MARF1: variants seen among roughly 807,000 people sequenced by gnomAD.
MARF1 encodes the protein limkain-b1.
Under a neutral mutation model 168.2 loss-of-function variants are expected in MARF1, and 24 were observed. The observed-to-expected ratio is 0.14, with a 90% CI of 0.10 to 0.20. The LOEUF is 0.20. MARF1 is among the 10% of genes least tolerant of loss of function. The pLI is 1.00. For synonymous variants in MARF1, 868 were observed against 822.4 expected (o/e 1.06, Z -0.95); for missense variants, 1,744 against 2,143.6 (o/e 0.81, Z 3.68).
chr16:15,633,812 C>G lies in MARF1; in HGVS notation c.1038G>C (p.Val346=). 1 of 1,613,740 alleles carries G rather than the reference C, an allele frequency of 6.2e-7. No individual in the cohort carries two copies. Among genetic ancestry groups the G allele is most frequent in the Non-Finnish European group, 8.5e-7 (1 of 1,179,790 alleles). ...CTCCAATGGGGGGTAAGTTTTCTAG[C>G]ACCTGTCCAGCTACTGCAACTTCTG... is the stretch of plus-strand genomic sequence containing the variant. The part of the protein sequence containing the change: ...GSPEVAVAGQ[V]LENLPPIGVF... The change falls in exon 5 of 27, where the codon GTG becomes GTC. Residue 346 remains valine (V), a synonymous_variant. Transcript: ENST00000396368.
intron 12 of MARF1, among the ~76,000 whole-genome samples, chr16:15,620,799 G>A (rs985924869): frequency 6.6e-5 from 10 of 152,248 alleles, no homozygotes; most frequent in African/African-American, 2.4e-4. Context: ...AGAGCAAAAG[G>A]GAGAAGAGCT....
intron 22 of MARF1, 52 bp downstream of exon 22, chr16:15,604,116 G>T: frequency 7.4e-7 from 1 of 1,356,016 alleles, no homozygotes; most frequent in Non-Finnish European, 1.1e-6. Context: ...ATCCGGAAAT[G>T]CCCAATCGAT....
chr16:15,629,689 A>C (rs140248564), intron 7 of MARF1, among the ~76,000 whole-genome samples: 46 of 152,324 alleles, frequency 3.0e-4, no homozygotes, highest in African/African-American at 1.1e-3. Context: ...CCAGCGGCTT[A>C]AACACAGCCC....
chr16:15,631,094 C>T (rs1596494862), intron 6 of MARF1, among the ~76,000 whole-genome samples: 1 of 152,146 alleles, frequency 6.6e-6, no homozygotes, highest in African/African-American at 2.4e-5. Context: ...TGCGCCATCG[C>T]ACTCCAGCCT....
At chr16:15,623,637 T>C (rs908461905) in intron 10 of MARF1, among the ~76,000 whole-genome samples, 2 of 152,174 alleles carry the variant, frequency 1.3e-5, no homozygotes, top group African/African-American at 4.8e-5. Flanking sequence ...TACTATCTAC[T>C]GACCCCTAAT....
intron 10 of MARF1, 30 bp downstream of exon 10, chr16:15,624,739 C>T (rs2034714908): frequency 6.3e-7 from 1 of 1,598,954 alleles, no homozygotes; most frequent in Non-Finnish European, 8.5e-7. Flanking sequence ...TACATGTAAC[C>T]ACCCCCATGG....
intron 6 of MARF1, among the ~76,000 whole-genome samples, chr16:15,630,989 G>A (rs969639290): frequency 1.3e-5 from 2 of 152,036 alleles, no homozygotes; most frequent in African/African-American, 4.8e-5. Flanking sequence ...AATTAGCTGG[G>A]CGTGGTGGAA....
rs1370545343 is a variant in MARF1, at chr16:15,620,508, T to G, written c.2663A>C (p.Gln888Pro). ...LLSAETMSVLQDAPACCLPLF... is the reference protein window; with the variant it reads ...LLSAETMSVLPDAPACCLPLF... ...AGGCAGGCAACAGGCAGGGGCATCCTGAAGAACAGACATTGTTTCTGCACT... is the reference window on the plus strand; with the variant it reads ...AGGCAGGCAACAGGCAGGGGCATCCGGAAGAACAGACATTGTTTCTGCACT... Residue 888 changes from glutamine to proline, a missense_variant, in exon 13 of 27, where the codon CAG becomes CCG. Physicochemically the swap from Gln to Pro is moderately conservative, Grantham distance 76 (BLOSUM62 -1). Around this residue, in one of 7 missense-constraint regions of MARF1, gnomAD observed 543 missense variants for 742.1 expected, o/e 0.73. Coordinates refer to ENST00000396368, the MANE Select transcript of MARF1 (RefSeq NM_014647.4). The G allele has an allele frequency of 6.2e-7, 1 of 1,612,880 alleles. No homozygotes were observed. Among genetic ancestry groups the G allele is most frequent in the Non-Finnish European group, 8.5e-7 (1 of 1,179,232 alleles).
At chr16:15,638,196 C>A (rs913740009) in intron 2 of MARF1, among the ~76,000 whole-genome samples, 8 of 152,044 alleles carry the variant, frequency 5.3e-5, no homozygotes, top group Admixed American at 1.3e-4. Context: ...GTTGTTAATA[C>A]CCTTATATAA....
chr16:15,609,892 G>T (rs552011135), intron 19 of MARF1, among the ~76,000 whole-genome samples, 167 bp from the exon 20 acceptor site: 1 of 152,130 alleles, frequency 6.6e-6, no homozygotes, highest in East Asian at 1.9e-4. Context: ...CTTTGCAAGT[G>T]GTTCTCAAAC....
chr16:15,611,302 A>G (rs1033564123), intron 18 of MARF1, among the ~76,000 whole-genome samples, 194 bp from the exon 19 acceptor site: 2 of 152,108 alleles, frequency 1.3e-5, no homozygotes, highest in Non-Finnish European at 1.5e-5. Flanking sequence ...ACTAAAAAAT[A>G]GAAAAAATAA....
chr16:15,636,307 T>C lies in MARF1; in HGVS notation c.180A>G (p.Glu60=). 6.3e-7 allele frequency: 1 copy of C among 1,576,498 alleles called. No homozygotes were observed. Among genetic ancestry groups the C allele is most frequent in the Non-Finnish European group, 8.6e-7 (1 of 1,160,272 alleles). ...EYMENKKVAV[E]LKDVPSPLHA... ...GAAGGGGTGATGGTACATCCTTTAG[T>C]TCCACAGCAACTTTCTTGTTCTCCA... Residue 60 remains glutamate, a synonymous_variant, in exon 3 of 27, where the codon GAA becomes GAG. Transcript: ENST00000396368.
In MARF1 at chr16:15,601,894, G is replaced by A. The variant is rs758429586; in HGVS notation, c.4626+97C>T. The A allele has an allele frequency of 4.7e-5, 46 of 977,950 alleles. No individual in the cohort carries two copies. In the Admixed American group the frequency reaches 6.6e-4, roughly 14 times the overall value. 60.6% of individuals were successfully genotyped at this position (977,950 alleles called of 1,614,324 possible). On this transcript the variant is annotated intron_variant, in intron 23 of 26. Transcript: ENST00000396368. ...AAAGGATCAATTCAAAATGCCTGCC[G>A]TTCCATTATTCTGGCAGCATTTTAT...
At chr16:15,608,675 C>T (rs776294116) in intron 20 of MARF1, 157 bp from the exon 21 acceptor site, 3 of 613,288 alleles carry the variant, frequency 4.9e-6, no homozygotes, top group South Asian at 4.0e-5. Context: ...TTCAGAAGAT[C>T]GGTTGCATAA....
rs747226327 is a variant in MARF1 at position 15,636,288 on chromosome 16, G to T, written c.199C>A (p.Pro67Thr). Residue 67 changes from proline (P) to threonine (T), a missense_variant, in exon 3 of 27, where the codon CCC becomes ACC. Pro to Thr is a conservative substitution (Grantham distance 38). This residue lies in a region of MARF1 where 318 missense variants were observed against 336.6 expected (regional missense o/e 0.94). Coordinates refer to ENST00000396368, the MANE Select transcript of MARF1 (RefSeq NM_014647.4). ...VAVELKDVPSPLHAGSKLFPA... is the reference protein window; with the variant it reads ...VAVELKDVPSTLHAGSKLFPA... ...AAAAGCTTAGAGCCAGCATGAAGGG[G>T]TGATGGTACATCCTTTAGTTCCACA... The T allele has an allele frequency of 6.2e-7, 1 of 1,608,202 alleles. No individual in the cohort carries two copies. The highest frequency in any genetic ancestry group is 8.5e-7 in the Non-Finnish European group (1 of 1,176,480).
chr16:15,635,454 T>C lies in MARF1; in HGVS notation c.831+202A>G, dbSNP rs959594466. ...CTAAAAGTATAAACTACAAAAATAA[T>C]GACTCTCTACTTTTTTGAATGATCT... is the stretch of plus-strand genomic sequence containing the variant. On this transcript the variant is annotated intron_variant, in intron 3 of 26. Transcript: ENST00000396368. The C allele has an allele frequency of 1.2e-5, 7 of 563,832 alleles. No individual in the cohort carries two copies. The African/African-American group carries it at 1.3e-4, about 11-fold the overall frequency. 34.9% of individuals were successfully genotyped at this position (563,832 alleles called of 1,614,324 possible).
intron 1 of MARF1, among the ~76,000 whole-genome samples, chr16:15,641,959 T>C (rs535867427): frequency 6.6e-6 from 1 of 152,346 alleles, no homozygotes; most frequent in East Asian, 1.9e-4. Context: ...TTTTGACCAA[T>C]TCAATGAGGA....
chr16:15,623,583 G>T (rs965137246), intron 10 of MARF1, among the ~76,000 whole-genome samples: 2 of 151,964 alleles, frequency 1.3e-5, no homozygotes, highest in Admixed American at 6.6e-5. Flanking sequence ...GCCCAGCTGT[G>T]TTTTTAATCT....
At chr16:15,599,447 T>A (rs1003860614) in intron 25 of MARF1, among the ~76,000 whole-genome samples, 12 of 152,276 alleles carry the variant, frequency 7.9e-5, no homozygotes, top group African/African-American at 2.4e-4. Context: ...CGTGACTGCC[T>A]GAGATTTCCG....
Sources: gnomAD v4.1 joint callset for allele counts (sites outside exome capture counted in the v4.1 genomes callset) on GRCh38, gnomAD v4.1.1 for gene constraint, gnomAD v4.1.1 regional missense constraint, MANE v1.5 for transcripts, NCBI Gene and HGNC (gene_info 2026-07-23, HGNC 2026-07-21) for gene names.